LMBRD1: variants seen among roughly 807,000 people sequenced by gnomAD.
The protein encoded by LMBRD1 is LMBR1 domain containing 1.
LMBRD1 carries 64 observed loss-of-function variants against 74.8 expected under a neutral mutation model. The ratio of observed to expected loss-of-function variants is 0.86; its 90% CI spans 0.70 to 1.05. The LOEUF is 1.05. Among genes scored for constraint, LMBRD1 ranks in the 50% least tolerant of loss-of-function variants. The pLI, the probability that LMBRD1 is intolerant of heterozygous loss-of-function variation, is 0.00. For missense variants in LMBRD1, 652 were observed against 645.9 expected (o/e 1.01, Z -0.10); for synonymous variants, 204 against 216.3 (o/e 0.94, Z 0.50).
At chr6:69,711,138 C>T (rs976932295) in intron 9 of LMBRD1, among the ~76,000 whole-genome samples, 1 of 152,008 alleles carries the variant, frequency 6.6e-6, no homozygotes, top group Non-Finnish European at 1.5e-5. Context: ...ACTGAATAAA[C>T]CACTGGGCAA....
chr6:69,686,021 C>CA (rs1291553286), intron 14 of LMBRD1, among the ~76,000 whole-genome samples: 2 of 151,806 alleles, frequency 1.3e-5, no homozygotes, highest in Non-Finnish European at 2.9e-5. Flanking sequence ...CAAAACAAAA[C>CA]AAAAAAACTC....
chr6:69,712,587 T>C (rs1416465592), intron 9 of LMBRD1, among the ~76,000 whole-genome samples: 1 of 152,056 alleles, frequency 6.6e-6, no homozygotes, highest in African/African-American at 2.4e-5. Flanking sequence ...TGTGACAACA[T>C]GGATGTGCCT....
intron 3 of LMBRD1, among the ~76,000 whole-genome samples, chr6:69,769,011 G>A (rs151160384): frequency 6.6e-6 from 1 of 152,212 alleles, no homozygotes; most frequent in African/African-American, 2.4e-5. Context: ...GTCCAGGTCT[G>A]TATCTCTGCT....
intron 14 of LMBRD1, among the ~76,000 whole-genome samples, chr6:69,690,293 T>C (rs1326184851): frequency 6.6e-6 from 1 of 152,082 alleles, no homozygotes; most frequent in Non-Finnish European, 1.5e-5. Flanking sequence ...CAGATACAAC[T>C]TAATTGTCAC....
chr6:69,737,404 T>C (rs975315358), intron 7 of LMBRD1, among the ~76,000 whole-genome samples: 2 of 151,910 alleles, frequency 1.3e-5, no homozygotes, highest in Non-Finnish European at 2.9e-5. Context: ...GGGAAAAAAG[T>C]CTGGGAGTAT....
Position 69,790,201 on chromosome 6 carries a change from C to A in LMBRD1, c.246+95G>T, listed in dbSNP as rs978444182. The A allele has an allele frequency of 6.0e-6, 5 of 828,394 alleles. No homozygotes were observed. In the East Asian group the frequency reaches 1.1e-4, roughly 18 times the overall value. 51.3% of individuals were successfully genotyped at this position (828,394 alleles called of 1,614,324 possible). On this transcript the variant is annotated intron_variant, in intron 2 of 15. Transcript: ENST00000649934. ...TGTTGTATTTCCATTCTCATTCATT[C>A]CCAGATACAAAAATAAAACACAATA...
chr6:69,692,828 T>A (rs1740452704), intron 14 of LMBRD1, among the ~76,000 whole-genome samples: 1 of 152,094 alleles, frequency 6.6e-6, no homozygotes, highest in Non-Finnish European at 1.5e-5. Flanking sequence ...TATTTTCCTA[T>A]CCAAGTCCAT....
chr6:69,716,003 T>C (rs533692752), intron 8 of LMBRD1, among the ~76,000 whole-genome samples: 1 of 152,206 alleles, frequency 6.6e-6, no homozygotes, highest in Non-Finnish European at 1.5e-5. Flanking sequence ...ACATTTTCTT[T>C]ATGCAGTCTA....
At chr6:69,775,154 C>G (rs914457000) in intron 3 of LMBRD1, among the ~76,000 whole-genome samples, 6 of 152,018 alleles carry the variant, frequency 3.9e-5, no homozygotes, top group African/African-American at 1.5e-4. Context: ...GATCAGAGTC[C>G]TTAGGTGTGC....
intron 12 of LMBRD1, among the ~76,000 whole-genome samples, chr6:69,700,149 T>G (rs1766094377): frequency 6.6e-6 from 1 of 151,860 alleles, no homozygotes; most frequent in Admixed American, 6.6e-5. Context: ...CTAGATTCTT[T>G]TTTTCCATAG....
chr6:69,768,104 C>T (rs559458288), intron 3 of LMBRD1, among the ~76,000 whole-genome samples: 1 of 151,948 alleles, frequency 6.6e-6, no homozygotes, highest in Admixed American at 6.6e-5. Context: ...ATAGACAACA[C>T]GTTGACGAAT....
intron 7 of LMBRD1, among the ~76,000 whole-genome samples, chr6:69,727,744 C>A (rs2149862238): frequency 6.6e-6 from 1 of 152,078 alleles, no homozygotes; most frequent in South Asian, 2.1e-4. Flanking sequence ...AATTATATAT[C>A]CTCAAAACAT....
At chr6:69,695,735 G>A (rs1361464981) in intron 14 of LMBRD1, among the ~76,000 whole-genome samples, 1 of 151,926 alleles carries the variant, frequency 6.6e-6, no homozygotes, top group Non-Finnish European at 1.5e-5. Flanking sequence ...CATTAATATG[G>A]AGGGCTAACT....
chr6:69,729,193 A>C (rs997685363), intron 7 of LMBRD1, among the ~76,000 whole-genome samples: 1 of 145,276 alleles, frequency 6.9e-6, no homozygotes, highest in South Asian at 2.4e-4. Context: ...ATTTTATTCC[A>C]TGTAGTGCCC....
chr6:69,699,648 A>C (rs1350217440), intron 12 of LMBRD1, among the ~76,000 whole-genome samples: 1 of 151,874 alleles, frequency 6.6e-6, no homozygotes, highest in African/African-American at 2.4e-5. Context: ...ATCTTACTAA[A>C]GAGCTTTTCA....
At chr6:69,688,520 C>A (rs1166386288) in intron 14 of LMBRD1, among the ~76,000 whole-genome samples, 1 of 151,022 alleles carries the variant, frequency 6.6e-6, no homozygotes, top group African/African-American at 2.4e-5. Flanking sequence ...TGGGAAAAGA[C>A]GGTACAAAGA....
In LMBRD1 at chr6:69,701,423, A is replaced by G. The variant is rs1198515964; in HGVS notation, c.1083+20T>C. 6.0e-6 allele frequency: 8 copies of G among 1,344,042 alleles called. No homozygotes were observed. The highest frequency in any genetic ancestry group is 8.5e-6 in the Non-Finnish European group (8 of 937,016). The allele number at this position is 1,344,042 out of a possible 1,614,324, so 83.3% of individuals were successfully genotyped here. On this transcript the variant is annotated intron_variant, in intron 11 of 15. Transcript: ENST00000649934. The stretch of plus-strand genomic sequence containing the variant: ...TATACTCTAGCAGCTACAGTATAAA[A>G]TGATTGATATTTTACTTACTGTTTG...
intron 9 of LMBRD1, among the ~76,000 whole-genome samples, chr6:69,704,545 A>C (rs889200636): frequency 6.6e-6 from 1 of 152,054 alleles, no homozygotes; most frequent in African/African-American, 2.4e-5. Context: ...CTATTCTCTT[A>C]AACACTTCTT....
intron 14 of LMBRD1, among the ~76,000 whole-genome samples, chr6:69,688,921 G>A (rs1296263730): frequency 6.6e-6 from 1 of 151,904 alleles, no homozygotes; most frequent in East Asian, 1.9e-4. Flanking sequence ...TGTATGTATT[G>A]CTATTTAAAG....
Sources: allele counts gnomAD v4.1 joint callset (sites outside exome capture counted in the v4.1 genomes callset), GRCh38; gene constraint gnomAD v4.1.1; transcripts MANE v1.5; gene names NCBI Gene and HGNC (gene_info 2026-07-23, HGNC 2026-07-21).